EPHB2: variants seen among roughly 807,000 people sequenced by gnomAD.
EPHB2 encodes EPH receptor B2.
A neutral mutation model predicts 96.4 loss-of-function variants in EPHB2; 18 were observed. The ratio of observed to expected loss-of-function variants is 0.19; its 90% confidence interval spans 0.13 to 0.28. EPHB2 has a LOEUF of 0.28. Among genes scored for constraint, EPHB2 ranks in the 10% least tolerant of loss-of-function variants. EPHB2 has a pLI of 1.00. For missense variants in EPHB2, 989 were observed against 1,355.4 expected (o/e 0.73, Z 4.25); for synonymous variants, 506 against 534.1 (o/e 0.95, Z 0.72).
intron 1 of EPHB2, among the ~76,000 whole-genome samples, chr1:22,725,505 C>G (rs1166334846): frequency 6.6e-6 from 1 of 152,050 alleles, no homozygotes; most frequent in Non-Finnish European, 1.5e-5. Flanking sequence ...ATTTCTCCCC[C>G]CGAGACTCCC....
intron 6 of EPHB2, among the ~76,000 whole-genome samples, chr1:22,885,353 C>T (rs890977027): frequency 1.3e-5 from 2 of 152,286 alleles, no homozygotes; most frequent in Non-Finnish European, 2.9e-5. Context: ...CCACAGCGGG[C>T]AGGCCTGGGG....
intron 3 of EPHB2, among the ~76,000 whole-genome samples, chr1:22,852,130 G>A (rs1047138220): frequency 6.6e-5 from 10 of 152,204 alleles, no homozygotes; most frequent in Non-Finnish European, 1.3e-4. Context: ...CAGCAACATT[G>A]TTAAGCACCT....
intron 5 of EPHB2, among the ~76,000 whole-genome samples, chr1:22,876,227 C>T (rs946724099): frequency 3.3e-5 from 5 of 152,092 alleles, no homozygotes; most frequent in South Asian, 2.1e-4. Flanking sequence ...CAGGGATCTT[C>T]GGACCAGTGA....
intron 1 of EPHB2, among the ~76,000 whole-genome samples, chr1:22,753,948 C>T (rs570825665): frequency 1.3e-5 from 2 of 152,288 alleles, no homozygotes; most frequent in Admixed American, 1.3e-4. Flanking sequence ...AGTCTTCGTT[C>T]ACCAAAAGAC....
intron 9 of EPHB2, among the ~76,000 whole-genome samples, chr1:22,898,539 C>G (rs574838816): frequency 6.6e-6 from 1 of 152,322 alleles, no homozygotes. Flanking sequence ...GCTCATCAGG[C>G]TCAGCAAAGC....
intron 1 of EPHB2, chr1:22,774,562 G>A: frequency 2.0e-6 from 2 of 985,374 alleles, no homozygotes; most frequent in Non-Finnish European, 2.4e-6. Context: ...AGTGTTCAGG[G>A]AGGTAAAGTG....
chr1:22,816,360 C>T (rs745822052), intron 3 of EPHB2, among the ~76,000 whole-genome samples: 31 of 152,270 alleles, frequency 2.0e-4, no homozygotes, highest in Middle Eastern at 3.4e-3. Context: ...ACCCATGCCC[C>T]GTGGAAGTTT....
intron 1 of EPHB2, among the ~76,000 whole-genome samples, chr1:22,749,532 A>C (rs1644030847): frequency 6.6e-6 from 1 of 152,186 alleles, no homozygotes; most frequent in Non-Finnish European, 1.5e-5. Context: ...GTGGGTGACA[A>C]CAGGTGTTTC....
intron 6 of EPHB2, chr1:22,891,340 T>C (rs967095645): frequency 6.3e-5 from 23 of 363,270 alleles, no homozygotes; most frequent in African/African-American, 4.9e-4. Context: ...GTGACTGGCA[T>C]GTACAACTAG....
chr1:22,852,985 A>G (rs1431090184), intron 3 of EPHB2, among the ~76,000 whole-genome samples: 1 of 152,220 alleles, frequency 6.6e-6, no homozygotes. Flanking sequence ...CTCCAGGAGG[A>G]GCTCAGAGGA....
intron 9 of EPHB2, among the ~76,000 whole-genome samples, chr1:22,900,857 G>A (rs1639727449): frequency 6.6e-6 from 1 of 152,190 alleles, no homozygotes; most frequent in Non-Finnish European, 1.5e-5. Context: ...GGACAGAGGA[G>A]GAAGCTGAGG....
chr1:22,829,065 TC>T (rs1237952853), intron 3 of EPHB2, among the ~76,000 whole-genome samples: 5 of 152,206 alleles, frequency 3.3e-5, no homozygotes, highest in Non-Finnish European at 7.4e-5. Context: ...TAGTGTCACA[TC>T]AAGAATTAGA....
chr1:22,887,256 G>A (rs867926665), intron 6 of EPHB2, among the ~76,000 whole-genome samples: 15 of 152,288 alleles, frequency 9.8e-5, no homozygotes, highest in African/African-American at 3.6e-4. Flanking sequence ...ACAAGTCTGT[G>A]ATATGCCAGC....
intron 3 of EPHB2, among the ~76,000 whole-genome samples, chr1:22,823,391 C>T (rs1645179499): frequency 6.6e-6 from 1 of 152,178 alleles, no homozygotes; most frequent in Non-Finnish European, 1.5e-5. Context: ...GTCTCTTCAG[C>T]CAGTGCCCTG....
intron 3 of EPHB2, among the ~76,000 whole-genome samples, chr1:22,852,053 G>T (rs937596199): frequency 7.9e-5 from 12 of 152,316 alleles, no homozygotes; most frequent in Middle Eastern, 3.4e-3. Context: ...ATGTTTTTGA[G>T]CCTCCATGTC....
intron 3 of EPHB2, among the ~76,000 whole-genome samples, chr1:22,787,513 G>T (rs1644629528): frequency 6.6e-6 from 1 of 152,194 alleles, no homozygotes; most frequent in African/African-American, 2.4e-5. Flanking sequence ...ACTTTGGGAG[G>T]CTGAGGCAGG....
intron 5 of EPHB2, among the ~76,000 whole-genome samples, chr1:22,877,479 A>G (rs994465566): frequency 3.3e-5 from 5 of 152,130 alleles, no homozygotes; most frequent in African/African-American, 9.7e-5. Context: ...TGCCACCCCT[A>G]CTAGTCCTTC....
intron 1 of EPHB2, among the ~76,000 whole-genome samples, chr1:22,772,804 C>G (rs576812508): frequency 6.6e-6 from 1 of 152,140 alleles, no homozygotes; most frequent in Non-Finnish European, 1.5e-5. Flanking sequence ...CTTTACAGGG[C>G]GTGCAGAGGG....
At chr1:22,817,765 G>A (rs1314247665) in intron 3 of EPHB2, among the ~76,000 whole-genome samples, 1 of 152,196 alleles carries the variant, frequency 6.6e-6, no homozygotes, top group African/African-American at 2.4e-5. Context: ...CCCCTGCTTG[G>A]CATGAACTCT....
Sources: allele counts gnomAD v4.1 joint callset (sites outside exome capture counted in the v4.1 genomes callset), GRCh38; gene constraint gnomAD v4.1.1; transcripts MANE v1.5; gene names NCBI Gene and HGNC (gene_info 2026-07-23, HGNC 2026-07-21).